The following DLGAP1 variants were observed in gnomAD, a reference collection of about 807,000 sequenced individuals.
DLGAP1 encodes the protein DLG associated protein 1, also known as disks large-associated protein 1.
Under a neutral mutation model 90.8 loss-of-function variants are expected in DLGAP1, and 11 were observed. The ratio of observed to expected loss-of-function variants is 0.12; its 90% CI spans 0.08 to 0.20. The LOEUF is 0.20. Ranked by LOEUF, DLGAP1 falls within the 10% of genes least tolerant of loss-of-function variation. The probability of loss-of-function intolerance (pLI) is 1.00; values close to 1 mark genes in which losing one functional copy is unlikely to be tolerated. For synonymous variants in DLGAP1, 558 were observed against 540.7 expected, an observed-to-expected ratio of 1.03 and a Z score of -0.44; for missense variants, 1,050 against 1,333.8, an observed-to-expected ratio of 0.79 and a Z score of 3.31.
intron 3 of DLGAP1, among the ~76,000 whole-genome samples, chr18:3,975,301 G>A (rs1212573576): frequency 6.6e-6 from 1 of 152,042 alleles, no homozygotes; most frequent in East Asian, 1.9e-4. Flanking sequence ...AAATTGAATG[G>A]ACCTTTCTCC....
chr18:3,820,313 T>A (rs192616699), intron 4 of DLGAP1, among the ~76,000 whole-genome samples: 1 of 152,350 alleles, frequency 6.6e-6, no homozygotes, highest in Non-Finnish European at 1.5e-5. Flanking sequence ...TGTGAGCTAT[T>A]CTGGGTTGCA....
intron 7 of DLGAP1, among the ~76,000 whole-genome samples, chr18:3,689,145 A>C (rs1300794645): frequency 6.6e-6 from 1 of 152,158 alleles, no homozygotes; most frequent in African/African-American, 2.4e-5. Context: ...TATTTGAAGA[A>C]GATTCTTTGT....
chr18:4,178,753 C>T (rs927007677), intron 1 of DLGAP1, among the ~76,000 whole-genome samples: 1 of 151,906 alleles, frequency 6.6e-6, no homozygotes, highest in East Asian at 1.9e-4. Flanking sequence ...ATATACAGAG[C>T]TTGATAAATC....
At chr18:4,357,746 G>A (rs905951323) in intron 1 of DLGAP1, among the ~76,000 whole-genome samples, 1 of 152,214 alleles carries the variant, frequency 6.6e-6, no homozygotes. Context: ...GCTAGTCAGT[G>A]GGCCCAGTGC....
At chr18:4,218,826 T>TATAC (rs144178601) in intron 1 of DLGAP1, among the ~76,000 whole-genome samples, 4 of 145,732 alleles carry the variant, frequency 2.7e-5, no homozygotes, top group African/African-American at 7.6e-5. Flanking sequence ...TATACATACA[T>TATAC]ACACACACAC....
At chr18:3,802,453 A>G (rs986601190) in intron 5 of DLGAP1, among the ~76,000 whole-genome samples, 3 of 152,274 alleles carry the variant, frequency 2.0e-5, no homozygotes, top group South Asian at 4.1e-4. Context: ...ATTTTTAAAT[A>G]CTCTTCTAAT....
intron 1 of DLGAP1, among the ~76,000 whole-genome samples, chr18:4,221,827 G>A (rs115623091): frequency 0.01 from 1,593 of 152,148 alleles, 35 homozygotes; most frequent in African/African-American, 0.037. Flanking sequence ...TTATCTCTTC[G>A]CATTTACATG....
At chr18:3,908,080 AT>A (rs1289716008) in intron 3 of DLGAP1, among the ~76,000 whole-genome samples, 2 of 152,168 alleles carry the variant, frequency 1.3e-5, no homozygotes, top group Non-Finnish European at 2.9e-5. Context: ...CACTGAAAAA[AT>A]TTTTGGCATA....
chr18:3,639,557 C>T (rs571459241), intron 7 of DLGAP1, among the ~76,000 whole-genome samples: 2 of 151,824 alleles, frequency 1.3e-5, no homozygotes, highest in East Asian at 3.9e-4. Flanking sequence ...GGAATCACAG[C>T]CCATTGGCTT....
At chr18:3,993,789 G>A (rs1369185473) in intron 3 of DLGAP1, among the ~76,000 whole-genome samples, 1 of 152,092 alleles carries the variant, frequency 6.6e-6, no homozygotes, top group Non-Finnish European at 1.5e-5. Context: ...AAATCAGGGT[G>A]CAGCAACAAA....
At chr18:4,030,092 A>C (rs902244814) in intron 2 of DLGAP1, among the ~76,000 whole-genome samples, 3 of 152,122 alleles carry the variant, frequency 2.0e-5, no homozygotes, top group Non-Finnish European at 4.4e-5. Flanking sequence ...TCCTGGATTC[A>C]AGCGATTCTC....
At chr18:3,892,854 A>ACTTC (rs112017708) in intron 3 of DLGAP1, among the ~76,000 whole-genome samples, 12,494 of 150,062 alleles carry the variant, frequency 0.083, 1,675 homozygotes, top group African/African-American at 0.28. Context: ...AAATCTAACC[A>ACTTC]CTTTCTCCTC....
chr18:4,432,163 T>A (rs1298352959), intron 1 of DLGAP1, among the ~76,000 whole-genome samples: 5 of 152,206 alleles, frequency 3.3e-5, no homozygotes, highest in Non-Finnish European at 5.9e-5. Context: ...TCATACTTTA[T>A]AAGTGGTGAG....
chr18:4,191,929 C>G (rs1018976413), intron 1 of DLGAP1, among the ~76,000 whole-genome samples: 5 of 152,120 alleles, frequency 3.3e-5, no homozygotes, highest in African/African-American at 1.2e-4. Flanking sequence ...TACCACAGGG[C>G]CCACCACATA....
At position 3,600,897 on chromosome 18, in the gene DLGAP1, T is replaced by G. The variant is rs1248752528; in HGVS notation, c.1592-18649A>C. ...AGATATATAGATAGATATATAGATA[T>G]ATATAGATATATAGATAGATATAGA... On this transcript the variant is annotated intron_variant, in intron 7 of 12. Coordinates refer to ENST00000315677, the MANE Select transcript of DLGAP1 (RefSeq NM_004746.4). Among the ~76,000 whole-genome samples the G allele has an allele frequency of 1.6e-4, 20 of 127,142 alleles. 3 individuals are homozygous for G. Among genetic ancestry groups the G allele is most frequent in the South Asian group, 9.7e-4 (4 of 4,120 alleles). The allele number at this position is 127,142 out of a possible 152,430, so 83.4% of individuals were successfully genotyped here.
At chr18:3,749,100 C>G (rs369325180) in intron 5 of DLGAP1, among the ~76,000 whole-genome samples, 25 of 151,042 alleles carry the variant, frequency 1.7e-4, no homozygotes, top group African/African-American at 4.1e-4. Flanking sequence ...CTGTCTTCTC[C>G]TTCTCCTTCT....
At chr18:3,654,210 C>T (rs969716605) in intron 7 of DLGAP1, among the ~76,000 whole-genome samples, 2 of 152,116 alleles carry the variant, frequency 1.3e-5, no homozygotes, top group Non-Finnish European at 2.9e-5. Flanking sequence ...TTCCTGTGAG[C>T]CCCAGGGACT....
intron 1 of DLGAP1, among the ~76,000 whole-genome samples, chr18:4,182,888 AATTCACTTCAT>A (rs2077231706): frequency 6.6e-6 from 1 of 152,184 alleles, no homozygotes; most frequent in Non-Finnish European, 1.5e-5. Context: ...GATAACACCG[AATTCACTTCAT>A]AAGGGTAGAG....
intron 7 of DLGAP1, among the ~76,000 whole-genome samples, chr18:3,697,838 T>C (rs1180028681): frequency 6.6e-6 from 1 of 152,214 alleles, no homozygotes; most frequent in East Asian, 1.9e-4. Context: ...TGTAGGTCTC[T>C]AAGAACTTGC....
Sources: allele counts gnomAD v4.1 joint callset (sites outside exome capture counted in the v4.1 genomes callset), GRCh38; gene constraint gnomAD v4.1.1; transcripts MANE v1.5; gene names NCBI Gene and HGNC (gene_info 2026-07-23, HGNC 2026-07-21).